RARB: variants seen among roughly 807,000 people sequenced by gnomAD.
The protein encoded by RARB is HBV-activated protein.
A neutral mutation model predicts 51.9 loss-of-function variants in RARB; 17 were observed. The observed-to-expected ratio is 0.33, with a 90% CI of 0.22 to 0.49. The LOEUF (loss-of-function observed/expected upper bound fraction) is 0.49, where lower values mean the gene tolerates loss of function less well. Among genes scored for constraint, RARB ranks in the 20% least tolerant of loss-of-function variants. RARB has a pLI of 0.99. For synonymous variants in RARB, 215 were observed against 195.4 expected (o/e 1.10, Z -0.84); for missense variants, 369 against 550.8 (o/e 0.67, Z 3.30).
chr3:25,304,663 C>T (rs1306453269), intron 5 of RARB, among the ~76,000 whole-genome samples: 2 of 152,208 alleles, frequency 1.3e-5, no homozygotes. Context: ...CGCTAGTCCA[C>T]GTACCATTTG....
chr3:25,307,732 G>C (rs1281350256), intron 5 of RARB, among the ~76,000 whole-genome samples: 5 of 152,170 alleles, frequency 3.3e-5, no homozygotes, highest in Non-Finnish European at 7.3e-5. Flanking sequence ...ATGAGGACGA[G>C]GCACACAGAG....
At chr3:25,400,222 C>T (rs1707227435) in intron 5 of RARB, among the ~76,000 whole-genome samples, 1 of 152,194 alleles carries the variant, frequency 6.6e-6, no homozygotes, top group South Asian at 2.1e-4. Context: ...GAGAGAAGGA[C>T]ACTTCCTTCT....
intron 4 of RARB, among the ~76,000 whole-genome samples, chr3:25,149,048 C>G (rs558718168): frequency 1.3e-5 from 2 of 152,154 alleles, no homozygotes; most frequent in African/African-American, 4.8e-5. Context: ...AACTTCCTAG[C>G]AACATGGCCA....
intron 1 of RARB, among the ~76,000 whole-genome samples, chr3:25,443,692 G>T (rs181865216): frequency 1.4e-4 from 22 of 152,142 alleles, no homozygotes; most frequent in Admixed American, 1.2e-3. Flanking sequence ...AGCACTTTGG[G>T]AGTCTAAGGT....
At chr3:25,030,598 A>T (rs973078394) in intron 2 of RARB, among the ~76,000 whole-genome samples, 26 of 152,204 alleles carry the variant, frequency 1.7e-4, no homozygotes, top group African/African-American at 6.3e-4. Flanking sequence ...TTAAATTAAT[A>T]AGTTGGGGTC....
At chr3:25,457,824 G>A (rs1484957751) in intron 1 of RARB, among the ~76,000 whole-genome samples, 1 of 152,154 alleles carries the variant, frequency 6.6e-6, no homozygotes, top group African/African-American at 2.4e-5. Context: ...AACTTTCCTA[G>A]ACAGGCCAGA....
intron 2 of RARB, among the ~76,000 whole-genome samples, chr3:24,888,042 T>A (rs1157409766): frequency 6.6e-6 from 1 of 152,156 alleles, no homozygotes; most frequent in African/African-American, 2.4e-5. Flanking sequence ...ATTATATGAC[T>A]CTTGGTGATT....
At chr3:25,148,185 C>A (rs909377975) in intron 4 of RARB, among the ~76,000 whole-genome samples, 24 of 152,162 alleles carry the variant, frequency 1.6e-4, no homozygotes, top group African/African-American at 5.8e-4. Flanking sequence ...GACATTAACA[C>A]CCCAACATAT....
intron 1 of RARB, among the ~76,000 whole-genome samples, chr3:25,451,046 C>T (rs1206576436): frequency 6.6e-6 from 1 of 152,132 alleles, no homozygotes; most frequent in Admixed American, 6.5e-5. Context: ...GAGATCGTGC[C>T]ATGGCATGGC....
chr3:25,167,050 A>G (rs1457255099), intron 4 of RARB, among the ~76,000 whole-genome samples: 2 of 152,194 alleles, frequency 1.3e-5, no homozygotes, highest in Non-Finnish European at 2.9e-5. Context: ...TCTTGCCACA[A>G]GGGAATGCCA....
chr3:25,379,432 A>G (rs1462112966), intron 5 of RARB, among the ~76,000 whole-genome samples: 1 of 152,196 alleles, frequency 6.6e-6, no homozygotes, highest in Non-Finnish European at 1.5e-5. Flanking sequence ...ATGTCAGATT[A>G]TGTCTCTAAG....
chr3:25,456,859 A>T (rs1244676770), intron 1 of RARB, among the ~76,000 whole-genome samples: 1 of 151,376 alleles, frequency 6.6e-6, no homozygotes, highest in East Asian at 1.9e-4. Context: ...CATTTGCAGG[A>T]TTCAAATTAT....
intron 2 of RARB, among the ~76,000 whole-genome samples, chr3:25,025,651 T>G (rs1182290104): frequency 2.0e-5 from 3 of 152,150 alleles, no homozygotes; most frequent in African/African-American, 7.2e-5. Context: ...GAGAGTATGT[T>G]CCATTTAGAG....
intron 2 of RARB, among the ~76,000 whole-genome samples, chr3:25,006,614 G>A (rs1366906838): frequency 1.3e-5 from 2 of 152,062 alleles, no homozygotes; most frequent in African/African-American, 4.8e-5. Flanking sequence ...AAGTGGTGAG[G>A]CAAACAAGTA....
chr3:25,424,450 A>G (rs963680928), upstream of RARB, among the ~76,000 whole-genome samples: 1 of 152,224 alleles, frequency 6.6e-6, no homozygotes, highest in Non-Finnish European at 1.5e-5. Context: ...CGTGCTGCCA[A>G]CATCTCTGCC....
At chr3:25,167,444 C>A (rs1308137409) in intron 4 of RARB, among the ~76,000 whole-genome samples, 1 of 152,094 alleles carries the variant, frequency 6.6e-6, no homozygotes, top group African/African-American at 2.4e-5. Context: ...GAACAAAGTA[C>A]TGAAAGCAGA....
At chr3:24,954,805 A>G (rs886960633) in intron 2 of RARB, among the ~76,000 whole-genome samples, 21 of 152,258 alleles carry the variant, frequency 1.4e-4, no homozygotes, top group African/African-American at 4.8e-4. Context: ...CCCTCATAAG[A>G]CTTGCAAAAA....
At chr3:25,522,200 T>C (rs567292578) in intron 3 of RARB, among the ~76,000 whole-genome samples, 1 of 152,210 alleles carries the variant, frequency 6.6e-6, no homozygotes, top group East Asian at 1.9e-4. Context: ...ATTGAAGTTG[T>C]AATTATCCAC....
rs530317410 is a variant in RARB, at chr3:25,018,784, C to T, written c.-379-41341C>T. 3.7e-4 allele frequency among the ~76,000 whole-genome samples: 57 copies of T among 152,314 alleles called. No homozygotes were observed. In the South Asian group the frequency reaches 6.2e-3, roughly 17 times the overall value. On this transcript the variant is annotated intron_variant, in intron 2 of 11. Transcript: ENST00000383772. ...TGCTCATAGGTAAAATTGTATCATT[C>T]CATCCAGCTCTTGAGTTCTACCTCC...
Sources: gnomAD v4.1 joint callset for allele counts (sites outside exome capture counted in the v4.1 genomes callset) on GRCh38, gnomAD v4.1.1 for gene constraint, MANE v1.5 for transcripts, NCBI Gene and HGNC (gene_info 2026-07-23, HGNC 2026-07-21) for gene names.